The following LMNTD1 variants were observed in gnomAD, a reference collection of about 807,000 sequenced individuals.
LMNTD1 encodes lamin tail domain-containing protein 1.
A neutral mutation model predicts 50.9 loss-of-function variants in LMNTD1; 35 were observed. The observed-to-expected ratio is 0.69, with a 90% confidence interval of 0.53 to 0.91. The LOEUF (loss-of-function observed/expected upper bound fraction) is 0.91. Ranked by LOEUF, LMNTD1 falls within the 40% of genes least tolerant of loss-of-function variation. LMNTD1 has a pLI of 0.00. For synonymous variants in LMNTD1, 153 were observed against 161.9 expected, an observed-to-expected ratio of 0.94 and a Z score of 0.42; for missense variants, 470 against 475.5, an observed-to-expected ratio of 0.99 and a Z score of 0.11.
intron 4 of LMNTD1, among the ~76,000 whole-genome samples, chr12:25,541,055 C>T (rs916707615): frequency 1.4e-3 from 156 of 112,870 alleles, no homozygotes; most frequent in African/African-American, 4.1e-3. Flanking sequence ...AACTACAAAC[C>T]GCTGCTCAAG....
intron 1 of LMNTD1, among the ~76,000 whole-genome samples, chr12:25,586,833 G>C (rs1945542232): frequency 6.6e-6 from 1 of 152,152 alleles, no homozygotes; most frequent in Non-Finnish European, 1.5e-5. Flanking sequence ...GTGTATAGCT[G>C]ATGACCTAAA....
intron 1 of LMNTD1, among the ~76,000 whole-genome samples, chr12:25,562,391 A>G (rs1944368498): frequency 6.6e-6 from 1 of 152,176 alleles, no homozygotes; most frequent in African/African-American, 2.4e-5. Flanking sequence ...TCCTTCACTT[A>G]TGAAGCTTAG....
At chr12:25,560,071 C>T (rs1454571347) in intron 1 of LMNTD1, among the ~76,000 whole-genome samples, 4 of 152,160 alleles carry the variant, frequency 2.6e-5, no homozygotes, top group Non-Finnish European at 4.4e-5. Flanking sequence ...TCAATTTTGG[C>T]TTTTGTTGCC....
At chr12:25,488,889 G>A (rs1297996160) in intron 9 of LMNTD1, among the ~76,000 whole-genome samples, 2 of 152,190 alleles carry the variant, frequency 1.3e-5, no homozygotes, top group Non-Finnish European at 2.9e-5. Flanking sequence ...ACCCTGCCTT[G>A]TGAGGTGTCA....
intron 1 of LMNTD1, among the ~76,000 whole-genome samples, chr12:25,574,690 C>T (rs1490471807): frequency 6.6e-6 from 1 of 152,080 alleles, no homozygotes; most frequent in Admixed American, 6.6e-5. Context: ...TATTTCATTA[C>T]CGTTGTTTTT....
intron 1 of LMNTD1, among the ~76,000 whole-genome samples, chr12:25,631,649 C>T (rs1176876275): frequency 6.6e-6 from 1 of 152,176 alleles, no homozygotes; most frequent in African/African-American, 2.4e-5. Context: ...ATCTGAACAA[C>T]AGCCTTCAGC....
chr12:25,639,520 C>CA (rs1946906856), intron 1 of LMNTD1, among the ~76,000 whole-genome samples: 2 of 151,672 alleles, frequency 1.3e-5, no homozygotes, highest in Non-Finnish European at 2.9e-5. Context: ...GACATTTTTT[C>CA]AAAAAAGATA....
intron 4 of LMNTD1, among the ~76,000 whole-genome samples, chr12:25,537,229 C>T (rs1239376338): frequency 6.6e-6 from 1 of 152,216 alleles, no homozygotes; most frequent in Non-Finnish European, 1.5e-5. Flanking sequence ...CCTACCACAG[C>T]TCAAGGAGGC....
At chr12:25,614,864 T>C (rs1052104524) in intron 1 of LMNTD1, among the ~76,000 whole-genome samples, 1 of 152,226 alleles carries the variant, frequency 6.6e-6, no homozygotes, top group Non-Finnish European at 1.5e-5. Flanking sequence ...CTTCTGAGGC[T>C]CTTCTTGGCT....
At chr12:25,494,641 A>G (rs1462229737) in intron 9 of LMNTD1, among the ~76,000 whole-genome samples, 4 of 152,198 alleles carry the variant, frequency 2.6e-5, no homozygotes. Context: ...AGTGGTAACC[A>G]TCTATATTGT....
chr12:25,508,182 C>T (rs1939966039), intron 8 of LMNTD1, among the ~76,000 whole-genome samples: 1 of 152,110 alleles, frequency 6.6e-6, no homozygotes. Flanking sequence ...TCATAATTTA[C>T]AGCATGGTGA....
upstream of LMNTD1, among the ~76,000 whole-genome samples, chr12:25,556,201 G>A (rs991042865): frequency 5.9e-5 from 9 of 152,076 alleles, no homozygotes; most frequent in East Asian, 3.9e-4. Context: ...TTGAACTCCC[G>A]ACCTCAAGTG....
chr12:25,601,672 C>A (rs1272638966), intron 1 of LMNTD1, among the ~76,000 whole-genome samples: 2 of 151,774 alleles, frequency 1.3e-5, no homozygotes, highest in Non-Finnish European at 2.9e-5. Flanking sequence ...AAAGCTAATG[C>A]TTTTGGAACA....
Position 25,549,461 on chromosome 12 carries a change from A to G in LMNTD1, c.175T>C (p.Ser59Pro). 1.9e-6 allele frequency: 3 copies of G among 1,613,438 alleles called. No individual in the cohort carries two copies. Among genetic ancestry groups the G allele is most frequent in the Non-Finnish European group, 2.5e-6 (3 of 1,179,516 alleles). Reference protein sequence around the residue: ...GSVATTLPLSSSNSSGMPLGY... With the variant: ...GSVATTLPLSPSNSSGMPLGY... ...AGAGGCATTCCACTGGAATTTGAAGATGACAATGGCAGTGTTGTGGCAACT... is the reference window on the plus strand; with the variant it reads ...AGAGGCATTCCACTGGAATTTGAAGGTGACAATGGCAGTGTTGTGGCAACT... The change falls in exon 3 of 10, where the codon TCT becomes CCT. Residue 59 changes from serine to proline, a missense_variant. Transcript: ENST00000458174.
chr12:25,533,061 AC>A (rs1942332010), intron 4 of LMNTD1, among the ~76,000 whole-genome samples: 1 of 152,172 alleles, frequency 6.6e-6, no homozygotes, highest in South Asian at 2.1e-4. Flanking sequence ...TTATTTATTA[AC>A]CTCAAATTTT....
intron 5 of LMNTD1, 57 bp downstream of exon 5, chr12:25,526,712 G>A: frequency 8.4e-7 from 1 of 1,185,832 alleles, no homozygotes; most frequent in Non-Finnish European, 1.2e-6. Context: ...GACTGTCAGT[G>A]TCAACAAGTT....
Position 25,570,514 on chromosome 12 carries a change from T to G in LMNTD1, c.59-23960A>C, listed in dbSNP as rs1409103206. On this transcript the variant is annotated intron_variant, in intron 1 of 7. Transcript: ENST00000445693. Reference sequence around the variant, plus strand: ...TGTGCAGTGGCTAGGCAGTGTTGTATGTACTTTTCTGGCATGCATCAAAAT... The same window carrying G: ...TGTGCAGTGGCTAGGCAGTGTTGTAGGTACTTTTCTGGCATGCATCAAAAT... Among the ~76,000 whole-genome samples, 6 of 152,320 alleles carry G rather than the reference T, an allele frequency of 3.9e-5. No individual in the cohort carries two copies. The South Asian group carries it at 8.3e-4, about 21-fold the overall frequency.
At chr12:25,532,340 T>C (rs1230124696) in intron 4 of LMNTD1, among the ~76,000 whole-genome samples, 1 of 152,194 alleles carries the variant, frequency 6.6e-6, no homozygotes, top group Non-Finnish European at 1.5e-5. Context: ...TGGTCTGTTT[T>C]GCATATAGAC....
At chr12:25,484,268 T>A (rs1591816888) in intron 9 of LMNTD1, among the ~76,000 whole-genome samples, 1 of 152,044 alleles carries the variant, frequency 6.6e-6, no homozygotes, top group East Asian at 1.9e-4. Flanking sequence ...GTTTTTCGTT[T>A]TTTTGTTGTT....
Sources: allele counts gnomAD v4.1 joint callset (sites outside exome capture counted in the v4.1 genomes callset), GRCh38; gene constraint gnomAD v4.1.1; transcripts MANE v1.5; gene names NCBI Gene and HGNC (gene_info 2026-07-23, HGNC 2026-07-21).